Variants in APLN observed in about 807,000 individuals in gnomAD.
APLN encodes apelin.
A neutral mutation model predicts 4.3 loss-of-function variants in APLN; 2 were observed. The observed-to-expected ratio is 0.46, with a 90% CI of 0.19 to 1.45. The LOEUF (loss-of-function observed/expected upper bound fraction) is 1.45, where lower values mean the gene tolerates loss of function less well. Ranked by LOEUF, APLN falls within the 40% of genes most tolerant of loss-of-function variation. APLN has a pLI of 0.25. For synonymous variants in APLN, 34 were observed against 30.4 expected (o/e 1.12, Z -0.38); for missense variants, 80 against 70.0 (o/e 1.14, Z -0.51).
chrX:129,649,908 G>A (rs766269296), intron 1 of APLN, among the ~76,000 whole-genome samples: 44 of 111,336 alleles, frequency 4.0e-4, no homozygotes, highest in African/African-American at 1.3e-3. Context: ...GCCGACTCTC[G>A]TGAAGCCTGC....
Position 129,647,846 on chromosome X carries a change from C to T in APLN, c.*77G>A. The stretch of plus-strand genomic sequence containing the variant: ...GGTGAGAGCTGAATGGACGTGAGGC[C>T]TCCAGAGAAGCAGACCAATCTATGG... On this transcript the variant is annotated 3_prime_UTR_variant, in exon 3 of 3. Coordinates refer to ENST00000429967, the MANE Select transcript of APLN (RefSeq NM_017413.5). The T allele has an allele frequency of 1.0e-6, 1 of 983,136 alleles. No individual in the cohort carries two copies. Among genetic ancestry groups the T allele is most frequent in the Non-Finnish European group, 1.3e-6 (1 of 756,141 alleles). 81.0% of individuals were successfully genotyped at this position (983,136 alleles called of 1,213,427 possible).
At chrX:129,652,258 C>T (rs1285091978) in intron 1 of APLN, among the ~76,000 whole-genome samples, 1 of 111,534 alleles carries the variant, frequency 9.0e-6, no homozygotes, top group African/African-American at 3.3e-5. Context: ...AAGTGTATCC[C>T]AGGTCAGGAG....
intron 1 of APLN, among the ~76,000 whole-genome samples, chrX:129,650,473 C>T (rs1416271124): frequency 9.0e-6 from 1 of 110,929 alleles, no homozygotes; most frequent in Non-Finnish European, 1.9e-5. Context: ...CACACACACA[C>T]ACATAAACAC....
In APLN at chrX:129,648,613, T is replaced by C. The variant is rs760249923; in HGVS notation, c.*5+8A>G. ...TTAGCACTGTCCACTGAACAGAGGC[T>C]CAAGTACCTGCTTCAGAAAGGCATG... On this transcript the variant is annotated splice_region_variant and intron_variant, in intron 2 of 2. Transcript: ENST00000429967. 2 of 1,205,680 alleles carry C rather than the reference T, an allele frequency of 1.7e-6. No individual in the cohort carries two copies. Among genetic ancestry groups the C allele is most frequent in the Non-Finnish European group, 2.2e-6 (2 of 892,637 alleles).
At chrX:129,648,051 A>G in intron 2 of APLN, 134 bp from the exon 3 acceptor site, 1 of 849,731 alleles carries the variant, frequency 1.2e-6, no homozygotes, top group Non-Finnish European at 1.5e-6. Flanking sequence ...CTCAATCCCA[A>G]GGCCCCTGAG....
At chrX:129,648,485 C>A in intron 2 of APLN, 136 bp downstream of exon 2, 7 of 773,773 alleles carry the variant, frequency 9.0e-6, no homozygotes, top group Middle Eastern at 3.7e-4. Context: ...CTTGCCAGCT[C>A]TAAGCCTCTG....
chrX:129,648,176 G>A (rs780079823), intron 2 of APLN, among the ~76,000 whole-genome samples: 5 of 111,304 alleles, frequency 4.5e-5, no homozygotes, highest in South Asian at 3.8e-4. Flanking sequence ...TCACAGCTCC[G>A]GGCAACCACA....
intron 1 of APLN, among the ~76,000 whole-genome samples, chrX:129,654,079 T>C (rs970455774): frequency 8.8e-6 from 1 of 113,075 alleles, no homozygotes; most frequent in Non-Finnish European, 1.9e-5. Context: ...CGTCTGCATG[T>C]TGGCACATCA....
At chrX:129,649,696 C>A (rs1298791454) in intron 1 of APLN, among the ~76,000 whole-genome samples, 2 of 111,853 alleles carry the variant, frequency 1.8e-5, no homozygotes, top group Non-Finnish European at 3.8e-5. Flanking sequence ...CCAGATCACA[C>A]CCTGCATCCT....
chrX:129,648,637 T>G lies in APLN; in HGVS notation c.223A>C (p.Met75Leu), dbSNP rs372284454. 3.0e-5 allele frequency: 36 copies of G among 1,206,808 alleles called. No individual in the cohort carries two copies. The highest frequency in any genetic ancestry group is 3.9e-5 in the Non-Finnish European group (35 of 893,089). ...CTCAAGTACCTGCTTCAGAAAGGCA[T>G]GGGTCCCTTATGGGAGAGGCGGGGC... Reference protein sequence around the residue: ...QRPRLSHKGPMPF With the variant: ...QRPRLSHKGPLPF Residue 75 changes from methionine to leucine, a missense_variant, in exon 2 of 3, where the codon ATG becomes CTG. Coordinates refer to ENST00000429967, the MANE Select transcript of APLN (RefSeq NM_017413.5).
At chrX:129,653,957 G>C (rs934143918) in intron 1 of APLN, among the ~76,000 whole-genome samples, 11 of 111,923 alleles carry the variant, frequency 9.8e-5, no homozygotes, top group African/African-American at 3.6e-4. Flanking sequence ...GGCTGGGCCC[G>C]GCCCTGCCTG....
In APLN at chrX:129,645,464, A is replaced by G. The variant is rs926393402; in HGVS notation, c.*2459T>C. The G allele has an allele frequency of 8.9e-6, 1 of 112,706 alleles. No homozygotes were observed. Among genetic ancestry groups the G allele is most frequent in the Admixed American group, 9.4e-5 (1 of 10,642 alleles). The allele number at this position is 112,706 out of a possible 1,213,427, so 9.3% of individuals were successfully genotyped here. A position where few individuals can be genotyped will look rare whatever the true frequency, so the allele number is the denominator to read the frequency against. On this transcript the variant is annotated 3_prime_UTR_variant, in exon 3 of 3. Transcript: ENST00000429967. ...AAATAGCAGAAGACACCCACCAAGGATACAAAACAATTTTTAGTAGCGATC... is the reference window on the plus strand; with the variant it reads ...AAATAGCAGAAGACACCCACCAAGGGTACAAAACAATTTTTAGTAGCGATC...
rs1017182581 is a variant in APLN at position 129,645,379 on chromosome X, T to A, written c.*2544A>T. The A allele has an allele frequency of 1.8e-5, 2 of 112,591 alleles. No homozygotes were observed. Among genetic ancestry groups the A allele is most frequent in the Non-Finnish European group, 3.7e-5 (2 of 53,365 alleles). The allele number at this position is 112,591 out of a possible 1,213,427, so 9.3% of individuals were successfully genotyped here. A position where few individuals can be genotyped will look rare whatever the true frequency, so the allele number is the denominator to read the frequency against. ...TCAAATGTATTTATTGCTGAAAACA[T>A]AACATTTTTCAAGAAAGGCAAACTG... is the stretch of plus-strand genomic sequence containing the variant. On this transcript the variant is annotated 3_prime_UTR_variant, in exon 3 of 3. Transcript: ENST00000429967.
Position 129,654,707 on chromosome X carries a change from G to A in APLN, c.-77C>T, listed in dbSNP as rs1234352850. 6.2e-6 allele frequency: 5 copies of A among 809,352 alleles called. 1 individual carries two copies. In the African/African-American group the frequency reaches 8.8e-5, roughly 14 times the overall value. The allele number at this position is 809,352 out of a possible 1,213,427, so 66.7% of individuals were successfully genotyped here. On this transcript the variant is annotated 5_prime_UTR_variant, in exon 1 of 3. Transcript: ENST00000429967. ...GTCGGGCGCCCGGAGGCCAAGAAAG[G>A]CGCGAGCCGCGGCTGGCGCGTGCGG...
intron 1 of APLN, 27 bp downstream of exon 1, chrX:129,654,537 C>G (rs993533119): frequency 6.1e-6 from 7 of 1,143,435 alleles, no homozygotes; most frequent in Non-Finnish European, 1.2e-6. Context: ...GGCTGCAGCC[C>G]GGGCGAGCGG....
chrX:129,654,201 A>G (rs1936994234), intron 1 of APLN, among the ~76,000 whole-genome samples: 1 of 113,151 alleles, frequency 8.8e-6, no homozygotes, highest in African/African-American at 3.2e-5. Context: ...CCTTCCATCG[A>G]TCCACGAGGG....
In APLN at chrX:129,654,594, G is replaced by A; in HGVS notation, c.37C>T (p.Leu13Phe). The change falls in exon 1 of 3, where the codon CTC becomes TTC. Residue 13 changes from leucine (L) to phenylalanine (F), a missense_variant. By Grantham distance (22) the Leu-to-Phe change is conservative. Coordinates refer to ENST00000429967, the MANE Select transcript of APLN (RefSeq NM_017413.5). ...CACACCGCGGTCAAGGAGAGCCAGA[G>A]CAGCAGGAGCGCCTGCACGCAGAGC... ...LRLCVQALLL[L>F]WLSLTAVCGG... The A allele has an allele frequency of 8.7e-7, 1 of 1,154,940 alleles. No homozygotes were observed. Among genetic ancestry groups the A allele is most frequent in the Non-Finnish European group, 1.2e-6 (1 of 869,161 alleles).
intron 1 of APLN, among the ~76,000 whole-genome samples, chrX:129,652,042 C>T (rs1298030074): frequency 9.0e-6 from 1 of 111,659 alleles, no homozygotes; most frequent in Non-Finnish European, 1.9e-5. Context: ...TCAGGTTACA[C>T]GGGTGCTTAG....
chrX:129,648,846 G>T (rs1158443446), intron 1 of APLN, 54 bp from the exon 2 acceptor site: 5 of 1,067,520 alleles, frequency 4.7e-6, no homozygotes, highest in Non-Finnish European at 6.2e-6. Flanking sequence ...ACGGGCAGGG[G>T]CTGCAGACCA....
Sources: allele counts gnomAD v4.1 joint callset (sites outside exome capture counted in the v4.1 genomes callset), GRCh38; gene constraint gnomAD v4.1.1; transcripts MANE v1.5; gene names NCBI Gene and HGNC (gene_info 2026-07-23, HGNC 2026-07-21).